Variants in CSNK1G3 observed in about 807,000 individuals in gnomAD.
The protein encoded by CSNK1G3 is casein kinase I isoform gamma-3.
Under a neutral mutation model 64.3 loss-of-function variants are expected in CSNK1G3, and 23 were observed. That is an observed-to-expected ratio of 0.36 (90% CI 0.26 to 0.51). The LOEUF (loss-of-function observed/expected upper bound fraction) is 0.51. CSNK1G3 is among the 20% of genes least tolerant of loss of function. The pLI is 0.96. For synonymous variants in CSNK1G3, 158 were observed against 162.2 expected, an observed-to-expected ratio of 0.97 and a Z score of 0.20; for missense variants, 357 against 510.5, an observed-to-expected ratio of 0.70 and a Z score of 2.90.
chr5:123,517,441 A>T (rs144694198), intron 1 of CSNK1G3, among the ~76,000 whole-genome samples: 1 of 152,174 alleles, frequency 6.6e-6, no homozygotes, highest in East Asian at 1.9e-4. Flanking sequence ...ATGAGAACCA[A>T]TTGGCTACTT....
intron 1 of CSNK1G3, among the ~76,000 whole-genome samples, chr5:123,530,316 T>C (rs955905625): frequency 6.6e-6 from 1 of 152,132 alleles, no homozygotes; most frequent in African/African-American, 2.4e-5. Flanking sequence ...CCAGTAATAT[T>C]TATACCTAGG....
chr5:123,573,994 T>C (rs1039216753), intron 5 of CSNK1G3, among the ~76,000 whole-genome samples: 4 of 151,624 alleles, frequency 2.6e-5, no homozygotes, highest in Admixed American at 6.6e-5. Context: ...GGACAACAGG[T>C]GCATGCCACT....
intron 12 of CSNK1G3, among the ~76,000 whole-genome samples, chr5:123,609,388 T>A (rs888536328): frequency 1.3e-5 from 2 of 152,170 alleles, no homozygotes; most frequent in Non-Finnish European, 2.9e-5. Flanking sequence ...GATGGATAAT[T>A]TCTATTTTGG....
chr5:123,595,664 T>C (rs562330310), intron 10 of CSNK1G3, among the ~76,000 whole-genome samples: 1 of 152,138 alleles, frequency 6.6e-6, no homozygotes, highest in Non-Finnish European at 1.5e-5. Flanking sequence ...GAAATTTTAA[T>C]AAGAAGTGTT....
At chr5:123,557,563 A>C (rs780817281) in exon 4 of CSNK1G3, 2 of 1,578,064 alleles carry the variant, frequency 1.3e-6, no homozygotes, top group Non-Finnish European at 1.7e-6. Flanking sequence ...TAGGATCTGG[A>C]GGTAAAGTCT....
chr5:123,610,980 TAATA>T (rs756511962), intron 12 of CSNK1G3, among the ~76,000 whole-genome samples: 8 of 152,160 alleles, frequency 5.3e-5, no homozygotes, highest in Non-Finnish European at 8.8e-5. Flanking sequence ...CAAAGGCAGA[TAATA>T]AATAAATAAA....
chr5:123,572,389 A>G (rs948351690), intron 4 of CSNK1G3, among the ~76,000 whole-genome samples: 1 of 152,198 alleles, frequency 6.6e-6, no homozygotes, highest in African/African-American at 2.4e-5. Flanking sequence ...TTCAGACTTC[A>G]TATTTGGAGT....
intron 4 of CSNK1G3, among the ~76,000 whole-genome samples, chr5:123,561,656 C>A (rs1476313862): frequency 1.2e-4 from 18 of 152,128 alleles, no homozygotes; most frequent in Admixed American, 1.1e-3. Flanking sequence ...ACTTCCAGTT[C>A]TTTATCTCCT....
intron 1 of CSNK1G3, among the ~76,000 whole-genome samples, chr5:123,522,255 G>C (rs937323059): frequency 1.1e-4 from 16 of 152,096 alleles, no homozygotes; most frequent in Non-Finnish European, 1.8e-4. Context: ...GCTCACCCCA[G>C]CACTTAGGGA....
chr5:123,592,121 G>A (rs1792483908), intron 10 of CSNK1G3, among the ~76,000 whole-genome samples: 1 of 152,062 alleles, frequency 6.6e-6, no homozygotes, highest in African/African-American at 2.4e-5. Flanking sequence ...GAGATCATAT[G>A]TGGGGCTCTA....
At chr5:123,596,387 T>C (rs1793447640) in intron 10 of CSNK1G3, among the ~76,000 whole-genome samples, 2 of 152,110 alleles carry the variant, frequency 1.3e-5, no homozygotes, top group Non-Finnish European at 2.9e-5. Flanking sequence ...AAACTATATT[T>C]TGTATGTATC....
intron 1 of CSNK1G3, among the ~76,000 whole-genome samples, chr5:123,534,250 T>C (rs1214401559): frequency 2.6e-5 from 4 of 152,234 alleles, no homozygotes; most frequent in Middle Eastern, 3.4e-3. Flanking sequence ...ATTATTAAAA[T>C]GAGCTTAGAC....
intron 12 of CSNK1G3, among the ~76,000 whole-genome samples, chr5:123,610,875 G>A (rs1243977838): frequency 6.6e-6 from 1 of 152,174 alleles, no homozygotes. Context: ...TCAGGAGGCT[G>A]AAGTGGGAGG....
rs549094343 is a variant in CSNK1G3 at position 123,544,837 on chromosome 5, A to G, written c.-247-580A>G. On this transcript the variant is annotated intron_variant, in intron 1 of 12. Coordinates refer to ENST00000345990, the Ensembl canonical transcript of CSNK1G3. ...TTTTAAGGCCCACGTTAAATGTTAT[A>G]TAAGAATTAATTGTTTTCTTTGAGG... 2.0e-5 allele frequency among the ~76,000 whole-genome samples: 3 copies of G among 152,294 alleles called. No individual in the cohort carries two copies. In the South Asian group the frequency reaches 6.2e-4, roughly 32 times the overall value.
chr5:123,512,791 C>A (rs1409716781), intron 1 of CSNK1G3, among the ~76,000 whole-genome samples: 1 of 150,566 alleles, frequency 6.6e-6, no homozygotes, highest in South Asian at 2.1e-4. Flanking sequence ...CGGTCGGAGG[C>A]TGAGGGCGCG....
intron 4 of CSNK1G3, among the ~76,000 whole-genome samples, chr5:123,572,616 GTCAGAAT>G (rs969962681): frequency 6.6e-6 from 1 of 152,140 alleles, no homozygotes; most frequent in Admixed American, 6.5e-5. Context: ...ACTGATTCTT[GTCAGAAT>G]TCAATTCCTC....
intron 10 of CSNK1G3, chr5:123,595,052 G>GGGC (rs753994126): frequency 1.2e-6 from 2 of 1,613,624 alleles, no homozygotes; most frequent in South Asian, 2.2e-5. Context: ...GCAGACCACA[G>GGGC]GGCAGCTTGG....
At chr5:123,581,886 A>T (rs569858113) in intron 6 of CSNK1G3, among the ~76,000 whole-genome samples, 1 of 152,000 alleles carries the variant, frequency 6.6e-6, no homozygotes, top group South Asian at 2.1e-4. Flanking sequence ...TTTTACTTAT[A>T]AGAAATGATT....
chr5:123,567,358 T>C (rs1357003186), intron 4 of CSNK1G3, among the ~76,000 whole-genome samples: 1 of 152,202 alleles, frequency 6.6e-6, no homozygotes, highest in African/African-American at 2.4e-5. Context: ...CCCAGCACTT[T>C]GGGAGGCTGA....
Sources: gnomAD v4.1 joint callset for allele counts (sites outside exome capture counted in the v4.1 genomes callset) on GRCh38, gnomAD v4.1.1 for gene constraint, MANE v1.5 for transcripts, NCBI Gene and HGNC (gene_info 2026-07-23, HGNC 2026-07-21) for gene names.